Variants in AOC2 observed in about 807,000 individuals in gnomAD.
AOC2 encodes the protein amine oxidase [copper-containing] 2.
Under a neutral mutation model 53.8 loss-of-function variants are expected in AOC2, and 57 were observed. That is an observed-to-expected ratio of 1.06 (90% CI 0.86 to 1.32). The LOEUF is 1.32. AOC2 is among the 40% of genes most tolerant of loss of function. The pLI is 0.00. For synonymous variants in AOC2, 404 were observed against 399.0 expected, an observed-to-expected ratio of 1.01 and a Z score of -0.15; for missense variants, 1,008 against 957.2, an observed-to-expected ratio of 1.05 and a Z score of -0.70.
At chr17:42,847,006 C>T (rs34311805) in intron 1 of AOC2, among the ~76,000 whole-genome samples, 3,297 of 152,296 alleles carry the variant, frequency 0.022, 117 homozygotes, top group African/African-American at 0.075. Context: ...AAGTATAATG[C>T]AACATAAACT....
At chr17:42,848,486 T>G (rs942985560) in intron 1 of AOC2, among the ~76,000 whole-genome samples, 8 of 149,084 alleles carry the variant, frequency 5.4e-5, no homozygotes, top group Non-Finnish European at 1.0e-4. Flanking sequence ...GTGTGGCAAC[T>G]GGGCACTTCA....
chr17:42,848,556 T>C (rs971329989), intron 1 of AOC2, among the ~76,000 whole-genome samples: 2 of 141,504 alleles, frequency 1.4e-5, no homozygotes, highest in African/African-American at 5.6e-5. Flanking sequence ...CATATATATA[T>C]ATATATATAT....
chr17:42,849,919 C>G (rs33929455), intron 3 of AOC2, among the ~76,000 whole-genome samples, 163 bp from the exon 4 acceptor site: 4 of 152,326 alleles, frequency 2.6e-5, no homozygotes, highest in African/African-American at 4.8e-5. Context: ...CTGGCTCCCC[C>G]CTCTCCCCGC....
chr17:42,848,249 C>T (rs2055613974), intron 1 of AOC2, among the ~76,000 whole-genome samples: 1 of 151,534 alleles, frequency 6.6e-6, no homozygotes, highest in Admixed American at 6.6e-5. Flanking sequence ...TATCATTATC[C>T]CTTTCATAGT....
At chr17:42,847,293 G>A (rs2055606768) in intron 1 of AOC2, among the ~76,000 whole-genome samples, 1 of 152,228 alleles carries the variant, frequency 6.6e-6, no homozygotes, top group Non-Finnish European at 1.5e-5. Context: ...AGCGTGTGCA[G>A]CATGGGCTGC....
intron 1 of AOC2, 38 bp downstream of exon 1, chr17:42,846,252 G>C: frequency 1.3e-6 from 2 of 1,496,634 alleles, no homozygotes; most frequent in Non-Finnish European, 1.8e-6. Flanking sequence ...ACTTGGGGGC[G>C]GGGTCAGGTG....
chr17:42,850,472 C>A lies in AOC2; in HGVS notation c.*124C>A. On this transcript the variant is annotated 3_prime_UTR_variant, in exon 4 of 4. Transcript: ENST00000253799. ...CCACCCCCTCAATGTTCCTCTCACA[C>A]GAAACCCCCATCAGTCCCTTTGGTT... 1.1e-5 allele frequency: 13 copies of A among 1,173,720 alleles called. No homozygotes were observed. Among genetic ancestry groups the A allele is most frequent in the Non-Finnish European group, 1.5e-5 (13 of 853,322 alleles). 72.7% of individuals were successfully genotyped at this position (1,173,720 alleles called of 1,614,324 possible).
chr17:42,849,603 A>G lies in AOC2; in HGVS notation c.1877A>G (p.Tyr626Cys). Residue 626 changes from tyrosine (Y) to cysteine (C), a missense_variant and splice_region_variant, in exon 3 of 4, where the codon TAC (tyrosine) becomes TGC (cysteine). By Grantham distance (194) the Tyr-to-Cys change is radical (BLOSUM62 -2). Coordinates refer to ENST00000253799, the MANE Select transcript of AOC2 (RefSeq NM_009590.4). ...DMERALSWGRYQLVVTQRKEE... is the reference protein window; with the variant it reads ...DMERALSWGRCQLVVTQRKEE... The stretch of plus-strand genomic sequence containing the variant: ...ACCTTCTTATGATTCCTGGCCAGAT[A>G]CCAGCTTGTGGTGACCCAGAGAAAG... 1.2e-6 allele frequency: 2 copies of G among 1,614,218 alleles called. No individual in the cohort carries two copies. Among genetic ancestry groups the G allele is most frequent in the Non-Finnish European group, 1.7e-6 (2 of 1,180,034 alleles).
Position 42,846,045 on chromosome 17 carries a change from G to T in AOC2, c.1419G>T (p.Leu473Phe). ...GNYDYIWDFV[L>F]YPNGALEGRV... ...ATGACTACATTTGGGACTTTGTGTT[G>T]TACCCAAATGGGGCACTTGAAGGGC... The change falls in exon 1 of 4, where the codon TTG becomes TTT. Residue 473 changes from leucine (L) to phenylalanine (F), a missense_variant. Leu to Phe is a conservative substitution (Grantham distance 22). Coordinates refer to ENST00000253799, the MANE Select transcript of AOC2 (RefSeq NM_009590.4). 6.2e-7 allele frequency: 1 copy of T among 1,611,128 alleles called. No homozygotes were observed. Among genetic ancestry groups the T allele is most frequent in the African/African-American group, 1.3e-5 (1 of 74,960 alleles).
chr17:42,844,960 G>C lies in AOC2; in HGVS notation c.334G>C (p.Gly112Arg). The change falls in exon 1 of 4, where the codon GGG becomes CGG. Residue 112 changes from glycine (G) to arginine (R), a missense_variant. Gly to Arg is a moderately radical substitution (Grantham distance 125). Coordinates refer to ENST00000253799, the MANE Select transcript of AOC2 (RefSeq NM_009590.4). ...KAAALAHLDR[G>R]SPPPAREALA... The stretch of plus-strand genomic sequence containing the variant: ...TGCAGCCCTGGCCCACCTGGACAGG[G>C]GGAGCCCCCCACCTGCCCGGGAGGC... 1 of 1,611,400 alleles carries C rather than the reference G, an allele frequency of 6.2e-7. No individual in the cohort carries two copies. The highest frequency in any genetic ancestry group is 8.5e-7 in the Non-Finnish European group (1 of 1,178,318).
Position 42,850,092 on chromosome 17 carries a change from C to G in AOC2, c.2015C>G (p.Ala672Gly). The G allele has an allele frequency of 5.0e-6, 8 of 1,613,658 alleles. No homozygotes were observed. The highest frequency in any genetic ancestry group is 6.8e-6 in the Non-Finnish European group (8 of 1,179,578). The change falls in exon 4 of 4, where the codon GCT becomes GGT. Residue 672 changes from alanine to glycine, a missense_variant. Transcript: ENST00000253799. ...NETLLGEDLVAWVTASFLHIP... is the reference protein window; with the variant it reads ...NETLLGEDLVGWVTASFLHIP... Reference sequence around the variant, plus strand: ...TCCTTCTTCTTGCAGGATCTGGTGGCTTGGGTCACAGCCAGCTTCCTGCAC... The same window carrying G: ...TCCTTCTTCTTGCAGGATCTGGTGGGTTGGGTCACAGCCAGCTTCCTGCAC...
chr17:42,845,475 T>TA lies in AOC2; in HGVS notation c.850dup (p.Arg284LysfsTer62), dbSNP rs2055588736. On this transcript the variant is annotated frameshift_variant, in exon 1 of 4. Coordinates refer to ENST00000253799, the MANE Select transcript of AOC2 (RefSeq NM_009590.4). LOFTEE classifies it high-confidence loss of function. ...TTAAGTCTGGCCGGTTGGAAGTGGT[T>TA]AGAGTCCCTCTACCTCCACCAAATG... 1 of 1,613,994 alleles carries TA rather than the reference T, an allele frequency of 6.2e-7. No individual in the cohort carries two copies. Among genetic ancestry groups the TA allele is most frequent in the African/African-American group, 1.3e-5 (1 of 74,890 alleles).
At chr17:42,847,601 G>A (rs2055608731) in intron 1 of AOC2, among the ~76,000 whole-genome samples, 1 of 152,142 alleles carries the variant, frequency 6.6e-6, no homozygotes. Context: ...GGAGGAGTAT[G>A]CAGGGGACCA....
At position 42,845,278 on chromosome 17, in the gene AOC2, G is replaced by A. The variant is rs747977089; in HGVS notation, c.652G>A (p.Ala218Thr). ...TPRGLRSGDR[A>T]TWMALYHNIS... ...TCGGGGCTTGCGCTCAGGGGACCGA[G>A]CTACCTGGATGGCCCTCTACCATAA... The change falls in exon 1 of 4, where the codon GCT becomes ACT. Residue 218 changes from alanine (A) to threonine (T), a missense_variant. Transcript: ENST00000253799. The A allele has an allele frequency of 3.1e-5, 50 of 1,614,010 alleles. No individual in the cohort carries two copies. Among genetic ancestry groups the A allele is most frequent in the Non-Finnish European group, 4.2e-5 (49 of 1,180,030 alleles).
Position 42,850,448 on chromosome 17 carries a change from C to T in AOC2, c.*100C>T. On this transcript the variant is annotated 3_prime_UTR_variant, in exon 4 of 4. Coordinates refer to ENST00000253799, the MANE Select transcript of AOC2 (RefSeq NM_009590.4). ...TTATCACACCTGCTCCCCAGATTCC[C>T]ACCCCCTCAATGTTCCTCTCACACG... The T allele has an allele frequency of 7.1e-7, 1 of 1,413,456 alleles. No individual in the cohort carries two copies. Among genetic ancestry groups the T allele is most frequent in the Admixed American group, 2.3e-5 (1 of 43,036 alleles). 87.6% of individuals were successfully genotyped at this position (1,413,456 alleles called of 1,614,324 possible).
chr17:42,849,819 C>T (rs1422197446), intron 3 of AOC2, 89 bp downstream of exon 3: 30 of 1,571,004 alleles, frequency 1.9e-5, no homozygotes, highest in Non-Finnish European at 2.6e-5. Context: ...GAGGGAATGG[C>T]TGATTTCCAG....
chr17:42,844,734 C>G lies in AOC2; in HGVS notation c.108C>G (p.His36Gln), dbSNP rs199673549. The part of the protein sequence containing the change: ...TSPGGSSQPP[H>Q]CPSVSHRAQP... ...CAGGTGGTTCCAGCCAGCCTCCCCA[C>G]TGCCCCTCTGTATCCCATAGGGCCC... is the stretch of plus-strand genomic sequence containing the variant. The change falls in exon 1 of 4, where the codon CAC becomes CAG. Residue 36 changes from histidine (H) to glutamine (Q), a missense_variant. His to Gln is a conservative substitution (Grantham distance 24, BLOSUM62 0). Coordinates refer to ENST00000253799, the MANE Select transcript of AOC2 (RefSeq NM_009590.4). 5.6e-6 allele frequency: 9 copies of G among 1,614,130 alleles called. No homozygotes were observed. Among genetic ancestry groups the G allele is most frequent in the Admixed American group, 1.7e-5 (1 of 60,014 alleles).
rs1368251025 is a variant in AOC2 at position 42,850,345 on chromosome 17, C to A, written c.2268C>A (p.Phe756Leu). ...TACCCCCTTTCTCTTACCACGGCTT[C>A]TAGTCCTGAGGGTGTGGCGGGCGGC... ...PDLPPFSYHG[F>L] Residue 756 changes from phenylalanine to leucine, a missense_variant, in exon 4 of 4, where the codon TTC (phenylalanine) becomes TTA (leucine). Coordinates refer to ENST00000253799, the MANE Select transcript of AOC2 (RefSeq NM_009590.4). 6.3e-7 allele frequency: 1 copy of A among 1,595,336 alleles called. No individual in the cohort carries two copies. Among genetic ancestry groups the A allele is most frequent in the East Asian group, 2.3e-5 (1 of 44,378 alleles).
In AOC2 at chr17:42,850,221, C is replaced by A; in HGVS notation, c.2144C>A (p.Ser715Tyr). The A allele has an allele frequency of 6.2e-7, 1 of 1,614,204 alleles. No homozygotes were observed. Among genetic ancestry groups the A allele is most frequent in the Non-Finnish European group, 8.5e-7 (1 of 1,180,040 alleles). The change falls in exon 4 of 4, where the codon TCC becomes TAC. Residue 715 changes from serine (S) to tyrosine (Y), a missense_variant. Transcript: ENST00000253799. ...TTTGATGAGGACCCCTCCATCTTCT[C>A]CCCTGGCAGTGTCTACTTTGAGAAG... ...NFFDEDPSIF[S>Y]PGSVYFEKGQ...
Sources: gnomAD v4.1 joint callset for allele counts (sites outside exome capture counted in the v4.1 genomes callset) on GRCh38, gnomAD v4.1.1 for gene constraint, MANE v1.5 for transcripts, NCBI Gene and HGNC (gene_info 2026-07-23, HGNC 2026-07-21) for gene names.